The following CNTNAP4 variants were observed in gnomAD, a reference collection of about 807,000 sequenced individuals.
The protein encoded by CNTNAP4 is contactin associated protein family member 4, also known as contactin-associated protein-like 4.
CNTNAP4 carries 98 observed loss-of-function variants against 148.4 expected under a neutral mutation model. The observed-to-expected ratio is 0.66, with a 90% confidence interval of 0.56 to 0.78. The LOEUF (loss-of-function observed/expected upper bound fraction) is 0.78, where lower values mean the gene tolerates loss of function less well. CNTNAP4 is among the 30% of genes least tolerant of loss of function. The pLI is 0.00. For missense variants in CNTNAP4, 1,935 were observed against 1,565.6 expected, an observed-to-expected ratio of 1.24 and a Z score of -3.98; for synonymous variants, 730 against 565.1, an observed-to-expected ratio of 1.29 and a Z score of -4.14.
At chr16:76,377,378 G>A (rs568005227) in intron 3 of CNTNAP4, among the ~76,000 whole-genome samples, 1 of 152,274 alleles carries the variant, frequency 6.6e-6, no homozygotes, top group East Asian at 1.9e-4. Flanking sequence ...AAGGAAGCAT[G>A]GAGTTACTGA....
intron 17 of CNTNAP4, among the ~76,000 whole-genome samples, chr16:76,526,922 C>G (rs138041065): frequency 0.015 from 2,238 of 152,244 alleles, 18 homozygotes; most frequent in Non-Finnish European, 0.024. Context: ...GCTCCACCCC[C>G]CTCAGCCTCC....
chr16:76,288,080 G>C (rs941635066), intron 1 of CNTNAP4, among the ~76,000 whole-genome samples: 2 of 151,998 alleles, frequency 1.3e-5, no homozygotes, highest in Non-Finnish European at 1.5e-5. Context: ...GACAGGACCA[G>C]GTGGAGATAA....
At chr16:76,348,120 A>G (rs955309418) in intron 2 of CNTNAP4, among the ~76,000 whole-genome samples, 2 of 152,054 alleles carry the variant, frequency 1.3e-5, no homozygotes, top group Non-Finnish European at 2.9e-5. Context: ...ATAATAAAGC[A>G]GCACCAACAG....
chr16:76,277,731 C>G lies in CNTNAP4; in HGVS notation c.69C>G (p.Val23=). ...TATCTACTCAAAATTGGAACAGAGTCGAAGCTGGGAATTCCTGTAAGTATA... is the reference window on the plus strand; with the variant it reads ...TATCTACTCAAAATTGGAACAGAGTGGAAGCTGGGAATTCCTGTAAGTATA... The part of the protein sequence containing the change: ...LLLSTQNWNR[V]EAGNSYDCDD... Residue 23 remains valine (V), a synonymous_variant, in exon 1 of 24, where the codon GTC becomes GTG. Coordinates refer to ENST00000611870, the MANE Select transcript of CNTNAP4 (RefSeq NM_033401.5). The G allele has an allele frequency of 6.3e-7, 1 of 1,597,370 alleles. No homozygotes were observed.
intron 15 of CNTNAP4, among the ~76,000 whole-genome samples, chr16:76,510,775 G>GT (rs2082990748): frequency 6.6e-6 from 1 of 152,110 alleles, no homozygotes; most frequent in African/African-American, 2.4e-5. Context: ...AGACTTGAAA[G>GT]TGTCTGCCTA....
At position 76,522,253 on chromosome 16, in the gene CNTNAP4, C is replaced by A. The variant is rs761194569; in HGVS notation, c.2751C>A (p.Phe917Leu). 1 of 1,613,402 alleles carries A rather than the reference C, an allele frequency of 6.2e-7. No individual in the cohort carries two copies. The change falls in exon 17 of 24, where the codon TTC (phenylalanine) becomes TTA (leucine). Residue 917 changes from phenylalanine (F) to leucine (L), a missense_variant. Coordinates refer to ENST00000611870, the MANE Select transcript of CNTNAP4 (RefSeq NM_033401.5). ...TGTTACAGCTCAACAGTCAGCTCTT[C>A]GTGGGTAAGTTCTCTTTTTAAGCAA... is the stretch of plus-strand genomic sequence containing the variant. The part of the protein sequence containing the change: ...HVLLQLNSQL[F>L]VGGTATRQRG...
intron 1 of CNTNAP4, among the ~76,000 whole-genome samples, chr16:76,291,209 T>C (rs1214596705): frequency 6.6e-6 from 1 of 152,196 alleles, no homozygotes. Context: ...TTTTTTTCAG[T>C]ATTGGGAAAC....
At chr16:76,372,213 C>A (rs2014911993) in intron 3 of CNTNAP4, among the ~76,000 whole-genome samples, 2 of 145,438 alleles carry the variant, frequency 1.4e-5, no homozygotes, top group Admixed American at 1.4e-4. Context: ...AATCTCGGTT[C>A]ACTGCAAGCT....
chr16:76,487,751 A>G (rs1180335951), intron 12 of CNTNAP4, among the ~76,000 whole-genome samples: 2 of 152,202 alleles, frequency 1.3e-5, no homozygotes, highest in African/African-American at 4.8e-5. Context: ...ACTTACAGGG[A>G]CTATCATAAT....
rs533220293 is a variant in CNTNAP4, at chr16:76,503,715, T to C, written c.2365+5021T>C. Among the ~76,000 whole-genome samples the C allele has an allele frequency of 3.3e-3, 500 of 151,714 alleles. 2 individuals are homozygous for C. Among genetic ancestry groups the C allele is most frequent in the African/African-American group, 0.012 (477 of 41,266 alleles). On this transcript the variant is annotated intron_variant, in intron 15 of 23. Coordinates refer to ENST00000611870, the MANE Select transcript of CNTNAP4 (RefSeq NM_033401.5). ...CACAACAGGCCCCGGTGTGTGATGT[T>C]CCCCTTCCTGTGTCCAAGTGTTCTG...
intron 12 of CNTNAP4, among the ~76,000 whole-genome samples, chr16:76,486,588 A>AG (rs2082036533): frequency 6.6e-6 from 1 of 152,226 alleles, no homozygotes; most frequent in Non-Finnish European, 1.5e-5. Context: ...CCTACGTTAA[A>AG]GGATGATTAA....
At chr16:76,557,994 T>C (rs1441556442) in intron 23 of CNTNAP4, 2 of 152,370 alleles carry the variant, frequency 1.3e-5, no homozygotes, top group Admixed American at 6.5e-5. Flanking sequence ...TTAGGCATAT[T>C]TGTATATGTG....
intron 3 of CNTNAP4, among the ~76,000 whole-genome samples, chr16:76,401,217 G>C (rs1031841297): frequency 4.6e-5 from 7 of 152,074 alleles, no homozygotes; most frequent in South Asian, 2.1e-4. Flanking sequence ...ATTTCTTTGA[G>C]CAGTGTTTTG....
intron 4 of CNTNAP4, among the ~76,000 whole-genome samples, chr16:76,428,180 A>C (rs778594154): frequency 2.6e-5 from 4 of 152,306 alleles, no homozygotes; most frequent in Middle Eastern, 3.4e-3. Context: ...GTCTCCTCTT[A>C]ATGAAGCATT....
At chr16:76,469,225 A>G (rs1454661502) in intron 10 of CNTNAP4, among the ~76,000 whole-genome samples, 6 of 152,226 alleles carry the variant, frequency 3.9e-5, no homozygotes, top group Non-Finnish European at 8.8e-5. Context: ...AGAGAAAACA[A>G]TTCTTTATAT....
intron 18 of CNTNAP4, among the ~76,000 whole-genome samples, chr16:76,536,991 G>C (rs1322845430): frequency 6.6e-6 from 1 of 152,096 alleles, no homozygotes; most frequent in Non-Finnish European, 1.5e-5. Flanking sequence ...TAAAAAGATG[G>C]CCAAATGCTC....
chr16:76,527,555 G>A (rs975190854), intron 17 of CNTNAP4, among the ~76,000 whole-genome samples: 6 of 152,112 alleles, frequency 3.9e-5, no homozygotes, highest in African/African-American at 9.7e-5. Flanking sequence ...TGAGGTAAAC[G>A]TGATTCTGAA....
At chr16:76,490,535 C>G (rs1030273375) in intron 13 of CNTNAP4, among the ~76,000 whole-genome samples, 5 of 152,196 alleles carry the variant, frequency 3.3e-5, no homozygotes, top group Non-Finnish European at 5.9e-5. Flanking sequence ...TGAGCTAATT[C>G]TTGAAGTCAC....
intron 17 of CNTNAP4, among the ~76,000 whole-genome samples, chr16:76,528,458 G>A (rs1394308372): frequency 6.6e-6 from 1 of 152,086 alleles, no homozygotes; most frequent in African/African-American, 2.4e-5. Context: ...TAGAGACGCA[G>A]TCTCCCTATG....
Sources: allele counts gnomAD v4.1 joint callset (sites outside exome capture counted in the v4.1 genomes callset), GRCh38; gene constraint gnomAD v4.1.1; transcripts MANE v1.5; gene names NCBI Gene and HGNC (gene_info 2026-07-23, HGNC 2026-07-21).